The following COL4A1 variants were observed in gnomAD, a reference collection of about 807,000 sequenced individuals.
The protein encoded by COL4A1 is collagen type IV alpha 1 chain.
Under a neutral mutation model 216.6 loss-of-function variants are expected in COL4A1, and 40 were observed. The observed-to-expected ratio is 0.18, with a 90% CI of 0.14 to 0.24. The LOEUF (loss-of-function observed/expected upper bound fraction) is 0.24, where lower values mean the gene tolerates loss of function less well. COL4A1 is among the 10% of genes least tolerant of loss of function. The probability of loss-of-function intolerance (pLI) is 1.00; values close to 1 mark genes in which losing one functional copy is unlikely to be tolerated. For synonymous variants in COL4A1, 839 were observed against 810.7 expected, an observed-to-expected ratio of 1.03 and a Z score of -0.59; for missense variants, 1,628 against 2,196.8, an observed-to-expected ratio of 0.74 and a Z score of 5.18.
At chr13:110,240,676 C>G (rs1881523179) in intron 2 of COL4A1, among the ~76,000 whole-genome samples, 1 of 152,242 alleles carries the variant, frequency 6.6e-6, no homozygotes, top group African/African-American at 2.4e-5. Flanking sequence ...ACCGCCTCCC[C>G]TGCCTTCCCC....
Position 110,170,113 on chromosome 13 carries a change from AGAAG to A in COL4A1, c.3743-355_3743-352del, listed in dbSNP as rs58546192. Among the ~76,000 whole-genome samples, 950 of 123,426 alleles carry A rather than the reference AGAAG, an allele frequency of 7.7e-3. 17 individuals carry two copies. The highest frequency in any genetic ancestry group is 0.03 in the African/African-American group (858 of 28,174). The allele number at this position is 123,426 out of a possible 152,430, so 81.0% of individuals were successfully genotyped here. ...AGGGAGGGAGAGAGGAAGGGAGGAA[AGAAG>A]GAAGGAAGGAAGGAAGGAAGGAAGG... On this transcript the variant is annotated intron_variant, in intron 42 of 51. Transcript: ENST00000375820.
rs761538161 is a variant in COL4A1 at position 110,211,908 on chromosome 13, C to T, written c.402G>A (p.Pro134=). Residue 134 remains proline, a synonymous_variant, in exon 7 of 52, where the codon CCG becomes CCA. Coordinates refer to ENST00000375820, the MANE Select transcript of COL4A1 (RefSeq NM_001845.6). This position sits in a 1 kb window ranked among gnomAD's most constrained non-coding sequence, Gnocchi z 4.3. The stretch of plus-strand genomic sequence containing the variant: ...AACCAGGCAAGCCAGGAGGCCCGAG[C>T]GGCCCTCTCTCCCCCTGGGGAGACA... The part of the protein sequence containing the change: ...GCNGTKGERG[P]LGPPGLPGFA... The T allele has an allele frequency of 1.6e-5, 26 of 1,613,982 alleles. No homozygotes were observed. The highest frequency in any genetic ancestry group is 8.3e-5 in the Admixed American group (5 of 60,010).
At chr13:110,176,293 G>A (rs1343570301) in intron 36 of COL4A1, 131 bp downstream of exon 36, 5 of 729,294 alleles carry the variant, frequency 6.9e-6, no homozygotes, top group African/African-American at 1.7e-5. Flanking sequence ...AGCTGGGGAT[G>A]TGAATTCATG....
At chr13:110,304,414 C>T (rs1884606773) in intron 1 of COL4A1, among the ~76,000 whole-genome samples, 1 of 152,186 alleles carries the variant, frequency 6.6e-6, no homozygotes, top group South Asian at 2.1e-4. Context: ...GGAAAGTTCA[C>T]GTTTCTAATC....
rs1878573566 is a variant in COL4A1 at position 110,190,328 on chromosome 13, A to C, written c.1536+1886T>G. Among the ~76,000 whole-genome samples the C allele has an allele frequency of 2.6e-5, 4 of 152,144 alleles. No individual in the cohort carries two copies. The South Asian group carries it at 8.3e-4, about 32-fold the overall frequency. ...GGAAAATTTAGCATTGGCTGCATTA[A>C]TTGGAGAAAATCTGACACCTACGCT... On this transcript the variant is annotated intron_variant, in intron 24 of 51. Transcript: ENST00000375820.
At chr13:110,226,093 A>C (rs1880725792) in intron 2 of COL4A1, among the ~76,000 whole-genome samples, 1 of 152,234 alleles carries the variant, frequency 6.6e-6, no homozygotes, top group African/African-American at 2.4e-5. Flanking sequence ...AGAATGTTTT[A>C]AAAGAGAATG....
rs755517991 is a variant in COL4A1, at chr13:110,183,066, C to G, written c.2022G>C (p.Arg674Ser). The G allele has an allele frequency of 4.3e-5, 70 of 1,613,178 alleles. No homozygotes were observed. In the Middle Eastern group the frequency reaches 6.6e-4, roughly 15 times the overall value. The stretch of plus-strand genomic sequence containing the variant: ...CGCCCTTCTCTCCTGGCAGGCCTGG[C>G]CTTCCTGGGGTTCCGGGAAAGCCTC... ...GDRGFPGTPG[R>S]PGLPGEKGAV... Residue 674 changes from arginine to serine, a missense_variant, in exon 28 of 52, where the codon AGG (arginine) becomes AGC (serine). Physicochemically the swap from Arg to Ser is moderately radical, Grantham distance 110. Around this residue, in one of 8 missense-constraint regions of COL4A1, gnomAD observed 701 missense variants for 892.5 expected, o/e 0.79. Transcript: ENST00000375820.
At chr13:110,183,635 C>T (rs182992116) in intron 26 of COL4A1, among the ~76,000 whole-genome samples, 2 of 152,342 alleles carry the variant, frequency 1.3e-5, no homozygotes, top group Non-Finnish European at 2.9e-5. Context: ...AGTCAAAATA[C>T]TTTTGCTGTT....
rs562915720 is a variant in COL4A1 at position 110,250,670 on chromosome 13, T to C, written c.85-7936A>G. Among the ~76,000 whole-genome samples the C allele has an allele frequency of 6.6e-5, 10 of 152,232 alleles. No individual in the cohort carries two copies. The East Asian group carries it at 1.9e-3, about 30-fold the overall frequency. The stretch of plus-strand genomic sequence containing the variant: ...GGGTCAGTGGTTCCTTGGATGGCTG[T>C]GTGTGAAATGAGTTGGTGGGCTTCG... On this transcript the variant is annotated intron_variant, in intron 1 of 51. Coordinates refer to ENST00000375820, the MANE Select transcript of COL4A1 (RefSeq NM_001845.6).
chr13:110,294,128 AC>A (rs1484240697), intron 1 of COL4A1, among the ~76,000 whole-genome samples: 1 of 152,120 alleles, frequency 6.6e-6, no homozygotes, highest in Non-Finnish European at 1.5e-5. Context: ...GTGCTGCCAT[AC>A]ATTGTGACAG....
intron 1 of COL4A1, among the ~76,000 whole-genome samples, chr13:110,274,474 T>C (rs1344324468): frequency 6.6e-6 from 1 of 152,176 alleles, no homozygotes; most frequent in African/African-American, 2.4e-5. Flanking sequence ...CCGCATTCCT[T>C]GCCTTTGGTG....
At position 110,302,377 on chromosome 13, in the gene COL4A1, T is replaced by C. The variant is rs1486842750; in HGVS notation, c.84+4567A>G. On this transcript the variant is annotated intron_variant, in intron 1 of 51. Coordinates refer to ENST00000375820, the MANE Select transcript of COL4A1 (RefSeq NM_001845.6). ...GCGTGGAAATGTGAAGACGTTGAAC[T>C]GGAGTTCAAGAAGGAGTTCTGGAGT... Among the ~76,000 whole-genome samples the C allele has an allele frequency of 4.6e-5, 7 of 152,250 alleles. No homozygotes were observed. The South Asian group carries it at 1.5e-3, about 32-fold the overall frequency.
intron 49 of COL4A1, among the ~76,000 whole-genome samples, chr13:110,157,331 G>A (rs1362057157): frequency 6.6e-6 from 1 of 152,202 alleles, no homozygotes; most frequent in Non-Finnish European, 1.5e-5. Flanking sequence ...CCTACTATCG[G>A]ATGAAAGCTG....
intron 1 of COL4A1, among the ~76,000 whole-genome samples, chr13:110,282,313 T>C (rs988968660): frequency 2.6e-5 from 4 of 152,132 alleles, no homozygotes; most frequent in African/African-American, 7.2e-5. Flanking sequence ...GCGCAGACTG[T>C]GGGGGACTCA....
intron 2 of COL4A1, among the ~76,000 whole-genome samples, chr13:110,228,388 T>C (rs1184810321): frequency 1.3e-5 from 2 of 152,200 alleles, no homozygotes; most frequent in African/African-American, 2.4e-5. Context: ...AAGTTTTTAA[T>C]GACTACCCAC....
At chr13:110,256,346 A>G (rs1465288609) in intron 1 of COL4A1, among the ~76,000 whole-genome samples, 1 of 152,204 alleles carries the variant, frequency 6.6e-6, no homozygotes, top group Non-Finnish European at 1.5e-5. Flanking sequence ...GGAGAAGGAA[A>G]AATGGTTTTG....
chr13:110,293,919 A>C (rs1594123391), intron 1 of COL4A1, among the ~76,000 whole-genome samples: 2 of 152,300 alleles, frequency 1.3e-5, no homozygotes, highest in East Asian at 3.9e-4. Context: ...TTCTCACAGC[A>C]ATAGTTTTCA....
intron 2 of COL4A1, among the ~76,000 whole-genome samples, chr13:110,224,612 C>T (rs779948413): frequency 2.6e-5 from 4 of 152,166 alleles, no homozygotes; most frequent in Admixed American, 6.5e-5. Context: ...TGTGAGCCAA[C>T]GCTCCTGACC....
chr13:110,150,242 G>A lies in COL4A1; in HGVS notation c.*121C>T, dbSNP rs1285899844. 5 of 926,108 alleles carry A rather than the reference G, an allele frequency of 5.4e-6. No homozygotes were observed. Among genetic ancestry groups the A allele is most frequent in the Non-Finnish European group, 5.1e-6 (3 of 586,996 alleles). The allele number at this position is 926,108 out of a possible 1,614,324, so 57.4% of individuals were successfully genotyped here. On this transcript the variant is annotated 3_prime_UTR_variant, in exon 52 of 52. Coordinates refer to ENST00000375820, the MANE Select transcript of COL4A1 (RefSeq NM_001845.6). Reference sequence around the variant, plus strand: ...TGTTAGTTACGCAAATTCCTATAAGGCACTTTACGGTTTTCATATTGGACA... The same window carrying A: ...TGTTAGTTACGCAAATTCCTATAAGACACTTTACGGTTTTCATATTGGACA...
Sources: allele counts gnomAD v4.1 joint callset (sites outside exome capture counted in the v4.1 genomes callset), GRCh38; gene constraint gnomAD v4.1.1; regional missense constraint gnomAD v4.1.1; non-coding constraint Gnocchi (gnomAD v3.1); transcripts MANE v1.5; gene names NCBI Gene and HGNC (gene_info 2026-07-23, HGNC 2026-07-21).